MPDZ: variants seen among roughly 807,000 people sequenced by gnomAD.
MPDZ encodes multiple PDZ domain crumbs cell polarity complex component.
A neutral mutation model predicts 239.1 loss-of-function variants in MPDZ; 234 were observed. That is an observed-to-expected ratio of 0.98 (90% CI 0.88 to 1.09). MPDZ has a LOEUF of 1.09. MPDZ is among the 50% of genes least tolerant of loss of function. The pLI, the probability that MPDZ is intolerant of heterozygous loss-of-function variation, is 0.00. For missense variants in MPDZ, 3,175 were observed against 2,510.0 expected (o/e 1.26, Z -5.66); for synonymous variants, 1,048 against 881.3 (o/e 1.19, Z -3.35).
At chr9:13,128,357 G>A (rs537054500) in intron 32 of MPDZ, among the ~76,000 whole-genome samples, 1 of 152,306 alleles carries the variant, frequency 6.6e-6, no homozygotes, top group East Asian at 1.9e-4. Context: ...ATTGTCCTAA[G>A]AAAATTCAAG....
At chr9:13,121,172 G>T (rs946505092) in intron 38 of MPDZ, among the ~76,000 whole-genome samples, 2 of 152,102 alleles carry the variant, frequency 1.3e-5, no homozygotes, top group South Asian at 2.1e-4. Flanking sequence ...TTGATGGCAC[G>T]CTCTTATTCG....
chr9:13,168,470 A>G lies in MPDZ; in HGVS notation c.3150T>C (p.Ile1050=), dbSNP rs1157635818. The G allele has an allele frequency of 3.7e-6, 6 of 1,613,578 alleles. No homozygotes were observed. The highest frequency in any genetic ancestry group is 4.2e-6 in the Non-Finnish European group (5 of 1,179,592). Residue 1050 remains isoleucine, a synonymous_variant, in exon 22 of 47, where the codon ATT becomes ATC. Coordinates refer to ENST00000319217, the MANE Select transcript of MPDZ (RefSeq NM_001378778.1). ...GAISRDGRIA[I]GDCILSINEE... ...CATTAATGGACAAGATGCAGTCCCC[A>G]ATGGCAATCCGGCCATCTCGACTAA...
In MPDZ at chr9:13,147,603, C is replaced by G. The variant is rs61753783; in HGVS notation, c.3686G>C (p.Arg1229Pro). 6.2e-7 allele frequency: 1 copy of G among 1,612,378 alleles called. No individual in the cohort carries two copies. The highest frequency in any genetic ancestry group is 1.7e-5 in the Admixed American group (1 of 59,898). ...ASHEQAVEAI[R>P]KAGNPVVFMV... ...AAAGACTACAGGGTTGCCTGCTTTC[C>G]GAATGGCTTCCACAGCTTGTTCATG... Residue 1229 changes from arginine to proline, a missense_variant, in exon 26 of 47, where the codon CGG becomes CCG. Physicochemically the swap from Arg to Pro is moderately radical, Grantham distance 103. Transcript: ENST00000319217.
chr9:13,113,580 A>C (rs1428069040), intron 41 of MPDZ, among the ~76,000 whole-genome samples: 3 of 152,178 alleles, frequency 2.0e-5, no homozygotes, highest in African/African-American at 7.2e-5. Context: ...AAATTTTTGC[A>C]ATCTTCATGG....
intron 19 of MPDZ, among the ~76,000 whole-genome samples, chr9:13,180,899 A>G (rs999212299): frequency 2.0e-5 from 3 of 152,198 alleles, no homozygotes; most frequent in African/African-American, 7.2e-5. Context: ...GGACCCCCAA[A>G]TTAGATAATT....
rs1957945425 is a variant in MPDZ, at chr9:13,213,796, T to C, written c.1290+2978A>G. Among the ~76,000 whole-genome samples the C allele has an allele frequency of 2.0e-5, 3 of 152,044 alleles. No homozygotes were observed. The South Asian group carries it at 6.2e-4, about 31-fold the overall frequency. The stretch of plus-strand genomic sequence containing the variant: ...AGAGGAATTATATTTGAGATTCCAC[T>C]TATATAAGAATGAAGATAATGACAA... On this transcript the variant is annotated intron_variant, in intron 10 of 46. Transcript: ENST00000319217.
intron 10 of MPDZ, among the ~76,000 whole-genome samples, chr9:13,213,902 A>G (rs1162912382): frequency 6.6e-6 from 1 of 152,074 alleles, no homozygotes; most frequent in Non-Finnish European, 1.5e-5. Flanking sequence ...AACTGCTATC[A>G]GATATCTGCT....
intron 21 of MPDZ, among the ~76,000 whole-genome samples, chr9:13,174,837 G>C (rs993638069): frequency 9.9e-5 from 15 of 152,104 alleles, no homozygotes; most frequent in Non-Finnish European, 2.2e-4. Context: ...GCTGCTGTTG[G>C]TAGTACCCCG....
At chr9:13,211,212 A>C (rs892451514) in intron 10 of MPDZ, among the ~76,000 whole-genome samples, 2 of 152,150 alleles carry the variant, frequency 1.3e-5, no homozygotes, top group Non-Finnish European at 2.9e-5. Flanking sequence ...TTACTCTACA[A>C]GAATACCCCA....
intron 21 of MPDZ, among the ~76,000 whole-genome samples, chr9:13,173,168 C>T (rs1200341262): frequency 6.6e-6 from 1 of 152,058 alleles, no homozygotes; most frequent in African/African-American, 2.4e-5. Flanking sequence ...AATTGGGGAA[C>T]CCAAAAAACG....
chr9:13,228,015 T>C (rs1435815861), intron 3 of MPDZ, among the ~76,000 whole-genome samples: 1 of 152,180 alleles, frequency 6.6e-6, no homozygotes, highest in East Asian at 1.9e-4. Context: ...TGTATCTTAT[T>C]TGCCTTGATA....
rs772660675 is a variant in MPDZ at position 13,206,077 on chromosome 9, C to T, written c.1313G>A (p.Gly438Asp). Residue 438 changes from glycine to aspartate, a missense_variant, in exon 11 of 47, where the codon GGT becomes GAT. Gly to Asp is a moderately conservative substitution (Grantham distance 94, BLOSUM62 -1). Coordinates refer to ENST00000319217, the MANE Select transcript of MPDZ (RefSeq NM_001378778.1). ...IIAVDGTNLQGFTNQQAVEVL... is the reference protein window; with the variant it reads ...IIAVDGTNLQDFTNQQAVEVL... ...CTCTACTGCTTGCTGATTAGTAAAA[C>T]CCTGAAGGTTTGTGCCATCTACCTG... is the stretch of plus-strand genomic sequence containing the variant. The T allele has an allele frequency of 3.7e-6, 6 of 1,607,632 alleles. No homozygotes were observed. The highest frequency in any genetic ancestry group is 2.2e-5 in the East Asian group (1 of 44,498).
intron 27 of MPDZ, among the ~76,000 whole-genome samples, chr9:13,141,485 T>C (rs1587169837): frequency 6.6e-6 from 1 of 152,306 alleles, no homozygotes; most frequent in Admixed American, 6.5e-5. Flanking sequence ...AAGTTGTCCC[T>C]GATACCTTGA....
At chr9:13,267,076 C>T (rs989803801) in intron 1 of MPDZ, among the ~76,000 whole-genome samples, 1 of 152,164 alleles carries the variant, frequency 6.6e-6, no homozygotes, top group Admixed American at 6.5e-5. Context: ...TTGCAATACA[C>T]AATTTAAAGC....
At position 13,140,091 on chromosome 9, in the gene MPDZ, G is replaced by T; in HGVS notation, c.3899C>A (p.Pro1300His). 1.9e-6 allele frequency: 3 copies of T among 1,613,440 alleles called. No homozygotes were observed. The highest frequency in any genetic ancestry group is 2.5e-6 in the Non-Finnish European group (3 of 1,179,774). ...EKAPLCSVPP[P>H]PPSAFAEMGS... ...CATTTCGGCAAAGGCTGAAGGAGGG[G>T]GTGGGGGCACACTGCACAATGGAGC... is the stretch of plus-strand genomic sequence containing the variant. The change falls in exon 28 of 47, where the codon CCC becomes CAC. Residue 1300 changes from proline to histidine, a missense_variant. Physicochemically the swap from Pro to His is moderately conservative, Grantham distance 77. Coordinates refer to ENST00000319217, the MANE Select transcript of MPDZ (RefSeq NM_001378778.1).
chr9:13,137,478 A>G (rs758369760), intron 29 of MPDZ, among the ~76,000 whole-genome samples: 1 of 152,152 alleles, frequency 6.6e-6, no homozygotes, highest in African/African-American at 2.4e-5. Flanking sequence ...TCTAAACCCT[A>G]TAAAGTATGG....
chr9:13,268,152 T>TTATATATATA (rs71491605), intron 1 of MPDZ, among the ~76,000 whole-genome samples: 29 of 146,974 alleles, frequency 2.0e-4, no homozygotes, highest in Non-Finnish European at 3.9e-4. Flanking sequence ...AAAAGGAAAA[T>TTATATATATA]TATATATATA....
intron 24 of MPDZ, among the ~76,000 whole-genome samples, chr9:13,153,761 C>T (rs1949489638): frequency 6.6e-6 from 1 of 151,646 alleles, no homozygotes; most frequent in African/African-American, 2.4e-5. Flanking sequence ...TATTTAACAA[C>T]CCAGAATACA....
At chr9:13,243,116 A>C (rs1174235214) in intron 3 of MPDZ, among the ~76,000 whole-genome samples, 1 of 152,146 alleles carries the variant, frequency 6.6e-6, no homozygotes, top group Non-Finnish European at 1.5e-5. Flanking sequence ...TCTTCTAGTA[A>C]AAGTTACTCA....
Sources: allele counts gnomAD v4.1 joint callset (sites outside exome capture counted in the v4.1 genomes callset), GRCh38; gene constraint gnomAD v4.1.1; transcripts MANE v1.5; gene names NCBI Gene and HGNC (gene_info 2026-07-23, HGNC 2026-07-21).